The following FRRS1 variants were observed in gnomAD, a reference collection of about 807,000 sequenced individuals.
FRRS1 encodes the protein ferric reductase 1.
Under a neutral mutation model 70.7 loss-of-function variants are expected in FRRS1, and 51 were observed. The observed-to-expected ratio is 0.72, with a 90% confidence interval of 0.58 to 0.91. The LOEUF is 0.91. Among genes scored for constraint, FRRS1 ranks in the 40% least tolerant of loss-of-function variants. The pLI, the probability that FRRS1 is intolerant of heterozygous loss-of-function variation, is 0.00. For missense variants in FRRS1, 672 were observed against 726.0 expected (o/e 0.93, Z 0.86); for synonymous variants, 225 against 238.7 (o/e 0.94, Z 0.53).
intron 1 of FRRS1, among the ~76,000 whole-genome samples, chr1:99,764,938 ATGTTTTTC>A (rs1657281107): frequency 6.6e-6 from 1 of 152,176 alleles, no homozygotes; most frequent in Non-Finnish European, 1.5e-5. Context: ...AAATTTTATC[ATGTTTTTC>A]TGCCACATTT....
intron 4 of FRRS1, among the ~76,000 whole-genome samples, chr1:99,744,107 C>T (rs1333727810): frequency 2.7e-5 from 4 of 150,780 alleles, no homozygotes; most frequent in Non-Finnish European, 5.9e-5. Flanking sequence ...ATTCGTAAAG[C>T]TGTCACTGCA....
chr1:99,729,690 G>A lies in FRRS1; in HGVS notation c.818C>T (p.Ser273Phe), dbSNP rs751153492. The A allele has an allele frequency of 1.2e-6, 2 of 1,613,748 alleles. No individual in the cohort carries two copies. Among genetic ancestry groups the A allele is most frequent in the Non-Finnish European group, 1.7e-6 (2 of 1,179,700 alleles). Residue 273 changes from serine to phenylalanine, a missense_variant, in exon 8 of 17, where the codon TCC becomes TTC. Transcript: ENST00000646001. The part of the protein sequence containing the change: ...HEDQTVYIQP[S>F]HLTGRSHPVM... ...AGGGTGACTTCGCCCCGTTAAATGGGAAGGCTGGATGTACACAGTCTGATC... is the reference window on the plus strand; with the variant it reads ...AGGGTGACTTCGCCCCGTTAAATGGAAAGGCTGGATGTACACAGTCTGATC...
At chr1:99,753,170 A>C (rs946645549) in intron 1 of FRRS1, among the ~76,000 whole-genome samples, 3 of 150,862 alleles carry the variant, frequency 2.0e-5, no homozygotes, top group Admixed American at 1.3e-4. Flanking sequence ...CTACAATCAC[A>C]CCACTGCACT....
chr1:99,759,242 G>C (rs577438908), intron 1 of FRRS1, among the ~76,000 whole-genome samples: 2 of 152,190 alleles, frequency 1.3e-5, no homozygotes, highest in South Asian at 4.1e-4. Flanking sequence ...AAACTTGCTG[G>C]TTTTGAGGCT....
At chr1:99,714,536 CG>C (rs1232599366) in intron 12 of FRRS1, among the ~76,000 whole-genome samples, 1 of 151,988 alleles carries the variant, frequency 6.6e-6, no homozygotes, top group Non-Finnish European at 1.5e-5. Context: ...AGATTGTGCA[CG>C]GGCAAGGGTT....
At chr1:99,717,239 A>G (rs1022005627) in intron 11 of FRRS1, among the ~76,000 whole-genome samples, 171 bp downstream of exon 11, 2 of 152,218 alleles carry the variant, frequency 1.3e-5, no homozygotes, top group African/African-American at 4.8e-5. Context: ...ATCTCTATCA[A>G]GCACATTGTG....
At chr1:99,714,186 T>C (rs1470601663) in intron 12 of FRRS1, among the ~76,000 whole-genome samples, 1 of 138,702 alleles carries the variant, frequency 7.2e-6, no homozygotes, top group Non-Finnish European at 1.6e-5. Flanking sequence ...TCTGGTTTAC[T>C]TTTTTTTTTT....
chr1:99,728,466 G>C, intron 9 of FRRS1, 27 bp downstream of exon 9: 5 of 1,536,940 alleles, frequency 3.3e-6, no homozygotes, highest in Non-Finnish European at 4.4e-6. Flanking sequence ...AAAGACACTT[G>C]AAAAGACAGC....
chr1:99,715,592 C>G lies in FRRS1; in HGVS notation c.1317G>C (p.Trp439Cys). 2 of 1,603,532 alleles carry G rather than the reference C, an allele frequency of 1.2e-6. No homozygotes were observed. Among genetic ancestry groups the G allele is most frequent in the Non-Finnish European group, 1.7e-6 (2 of 1,170,556 alleles). ...CTATTTAAGATATACTTACCCTACT[C>G]CAGCCTCCCCTGTATATAAACGGCA... Reference protein sequence around the residue: ...FVMPFIYRGGWSRHAGYHPYL... With the variant: ...FVMPFIYRGGCSRHAGYHPYL... The change falls in exon 12 of 17, where the codon TGG (tryptophan) becomes TGC (cysteine). Residue 439 changes from tryptophan to cysteine, a missense_variant. Trp to Cys is a radical substitution (Grantham distance 215). Transcript: ENST00000646001.
intron 9 of FRRS1, among the ~76,000 whole-genome samples, 178 bp from the exon 10 acceptor site, chr1:99,719,825 C>G (rs1654725848): frequency 6.6e-6 from 1 of 152,038 alleles, no homozygotes; most frequent in South Asian, 2.1e-4. Flanking sequence ...TGCAAGGGCA[C>G]AGACTTCCTG....
intron 7 of FRRS1, among the ~76,000 whole-genome samples, chr1:99,730,866 CAAA>C (rs11407313): frequency 3.4e-5 from 3 of 88,924 alleles, no homozygotes; most frequent in Admixed American, 1.2e-4. Flanking sequence ...AACTCAGTCT[CAAA>C]AAAAAAAAAA....
chr1:99,725,217 C>T (rs1189951293), intron 9 of FRRS1, among the ~76,000 whole-genome samples: 1 of 152,194 alleles, frequency 6.6e-6, no homozygotes, highest in Admixed American at 6.5e-5. Flanking sequence ...CACTGCTCAC[C>T]TCCTGCTGTG....
At chr1:99,716,341 G>A (rs6668225) in intron 11 of FRRS1, among the ~76,000 whole-genome samples, 71,961 of 152,074 alleles carry the variant, frequency 0.47, 20,578 homozygotes, top group African/African-American at 0.81. Context: ...TGACATGTAT[G>A]TACACACATC....
chr1:99,747,724 A>C lies in FRRS1; in HGVS notation c.197-294T>G, dbSNP rs1656354813. 3 of 266,748 alleles carry C rather than the reference A, an allele frequency of 1.1e-5. 1 individual carries two copies. In the South Asian group the frequency reaches 1.8e-4, roughly 16 times the overall value. 16.5% of individuals were successfully genotyped at this position (266,748 alleles called of 1,614,324 possible). On this transcript the variant is annotated intron_variant, in intron 3 of 16. Transcript: ENST00000646001. ...AAGTTAGTTTGGAAAATGCTAGATGATACCAATTGGGTACTATGCTTATCA... is the reference window on the plus strand; with the variant it reads ...AAGTTAGTTTGGAAAATGCTAGATGCTACCAATTGGGTACTATGCTTATCA...
At chr1:99,741,950 T>C (rs1357062553) in intron 5 of FRRS1, among the ~76,000 whole-genome samples, 1 of 152,250 alleles carries the variant, frequency 6.6e-6, no homozygotes, top group Non-Finnish European at 1.5e-5. Flanking sequence ...TGTGTGAATG[T>C]CCAATAGGTA....
chr1:99,715,551 A>G, intron 12 of FRRS1, 35 bp downstream of exon 12: 1 of 1,220,058 alleles, frequency 8.2e-7, no homozygotes, highest in East Asian at 2.3e-5. Context: ...CATAAAATGG[A>G]TTTATAAAAA....
intron 9 of FRRS1, among the ~76,000 whole-genome samples, chr1:99,726,288 G>C (rs1655076367): frequency 6.6e-6 from 1 of 152,012 alleles, no homozygotes; most frequent in South Asian, 2.1e-4. Flanking sequence ...TCCTGTATAG[G>C]CTGTGGAACT....
At chr1:99,711,794 C>T (rs987759106) in intron 14 of FRRS1, among the ~76,000 whole-genome samples, 8 of 152,184 alleles carry the variant, frequency 5.3e-5, no homozygotes, top group African/African-American at 1.4e-4. Flanking sequence ...CACAAATGAC[C>T]CTCAATTTGA....
At chr1:99,749,988 T>C (rs747938010) in intron 1 of FRRS1, among the ~76,000 whole-genome samples, 3 of 152,248 alleles carry the variant, frequency 2.0e-5, no homozygotes, top group Non-Finnish European at 4.4e-5. Flanking sequence ...TATCTGGTCA[T>C]AGACAATAGC....
Sources: gnomAD v4.1 joint callset for allele counts (sites outside exome capture counted in the v4.1 genomes callset) on GRCh38, gnomAD v4.1.1 for gene constraint, MANE v1.5 for transcripts, NCBI Gene and HGNC (gene_info 2026-07-23, HGNC 2026-07-21) for gene names.